The following S1PR2 variants were observed in gnomAD, a reference collection of about 807,000 sequenced individuals.
S1PR2 encodes sphingosine-1-phosphate receptor 2.
S1PR2 carries 9 observed loss-of-function variants against 16.1 expected under a neutral mutation model. The observed-to-expected ratio is 0.56, with a 90% CI of 0.34 to 0.98. The LOEUF is 0.98. Ranked by LOEUF, S1PR2 falls within the 50% of genes least tolerant of loss-of-function variation. S1PR2 has a pLI of 0.02. For missense variants in S1PR2, 361 were observed against 488.4 expected (o/e 0.74, Z 2.46); for synonymous variants, 224 against 233.9 (o/e 0.96, Z 0.38).
rs2039609972 is a variant in S1PR2, at chr19:10,223,855, T to G, written c.1051A>C (p.Thr351Pro). 4 of 1,540,056 alleles carry G rather than the reference T, an allele frequency of 2.6e-6. No individual in the cohort carries two copies. The highest frequency in any genetic ancestry group is 3.5e-6 in the Non-Finnish European group (4 of 1,144,328). Residue 351 changes from threonine (T) to proline (P), a missense_variant, in exon 2 of 2, where the codon ACG becomes CCG. By Grantham distance (38) the Thr-to-Pro change is conservative (BLOSUM62 -1). Transcript: ENST00000646641. Reference sequence around the variant, plus strand: ...GTCCACCCCCACCCTCAGACCACCGTGTTGCCCTCCAGAAACGTGGGTGAC... The same window carrying G: ...GTCCACCCCCACCCTCAGACCACCGGGTTGCCCTCCAGAAACGTGGGTGAC... ...PTSPTFLEGNTVV is the reference protein window; with the variant it reads ...PTSPTFLEGNPVV
Position 10,224,334 on chromosome 19 carries a change from A to C in S1PR2, c.572T>G (p.Val191Gly). 6.2e-7 allele frequency: 1 copy of C among 1,614,156 alleles called. No homozygotes were observed. Among genetic ancestry groups the C allele is most frequent in the Non-Finnish European group, 8.5e-7 (1 of 1,180,040 alleles). ...GGAGAAGATGGTCACCACGCACAGC[A>C]CATAATGCTTGGCGTAGAGAGGCAG... The part of the protein sequence containing the change: ...TVLPLYAKHY[V>G]LCVVTIFSII... The change falls in exon 2 of 2, where the codon GTG (valine) becomes GGG (glycine). Residue 191 changes from valine (V) to glycine (G), a missense_variant. Physicochemically the swap from Val to Gly is moderately radical, Grantham distance 109 (BLOSUM62 -3). Coordinates refer to ENST00000646641, the MANE Select transcript of S1PR2 (RefSeq NM_004230.4).
intron 1 of S1PR2, among the ~76,000 whole-genome samples, chr19:10,230,715 GA>G (rs1860124669): frequency 6.6e-6 from 1 of 152,228 alleles, no homozygotes; most frequent in African/African-American, 2.4e-5. Flanking sequence ...CCCGCCGGGG[GA>G]CCGGAGGAGG....
At chr19:10,227,676 C>A (rs944385475) in intron 1 of S1PR2, among the ~76,000 whole-genome samples, 1 of 152,244 alleles carries the variant, frequency 6.6e-6, no homozygotes, top group African/African-American at 2.4e-5. Context: ...CCTATTGGCC[C>A]GGGCTTTCCA....
rs1324274207 is a variant in S1PR2 at position 10,224,272 on chromosome 19, T to C, written c.634A>G (p.Ile212Val). 3 of 1,613,970 alleles carry C rather than the reference T, an allele frequency of 1.9e-6. No homozygotes were observed. Among genetic ancestry groups the C allele is most frequent in the African/African-American group, 1.3e-5 (1 of 75,058 alleles). Residue 212 changes from isoleucine to valine, a missense_variant, in exon 2 of 2, where the codon ATC (isoleucine) becomes GTC (valine). By Grantham distance (29) the Ile-to-Val change is conservative. Transcript: ENST00000646641. The part of the protein sequence containing the change: ...LLAIVALYVR[I>V]YCVVRSSHAD... ...TGGCTTGAGCGGACCACGCAGTAGATGCGCACGTACAGGGCCACGATGGCC... is the reference window on the plus strand; with the variant it reads ...TGGCTTGAGCGGACCACGCAGTAGACGCGCACGTACAGGGCCACGATGGCC...
chr19:10,226,770 G>A (rs2039637619), intron 1 of S1PR2, among the ~76,000 whole-genome samples: 2 of 152,194 alleles, frequency 1.3e-5, no homozygotes, highest in South Asian at 2.1e-4. Flanking sequence ...TGAGGAAGGC[G>A]GGATGTAGGG....
In S1PR2 at chr19:10,224,709, G is replaced by A. The variant is rs369436343; in HGVS notation, c.197C>T (p.Ser66Leu). ...IAVARNSKFH[S>L]AMYLFLGNLA... ...GTTGCCCAGAAACAGGTACATTGCC[G>A]AGTGGAACTTGCTGTTTCGGGCCAC... is the stretch of plus-strand genomic sequence containing the variant. The change falls in exon 2 of 2, where the codon TCG becomes TTG. Residue 66 changes from serine to leucine, a missense_variant. Coordinates refer to ENST00000646641, the MANE Select transcript of S1PR2 (RefSeq NM_004230.4). The A allele has an allele frequency of 2.5e-5, 40 of 1,614,104 alleles. No individual in the cohort carries two copies. The highest frequency in any genetic ancestry group is 2.1e-4 in the African/African-American group (16 of 74,956).
Position 10,224,162 on chromosome 19 carries a change from G to A in S1PR2, c.744C>T (p.Pro248=), listed in dbSNP as rs141379245. ...AGTCCAGAAGGAGGATGCTGAAGGC[G>A]GGCAGCCAGCAGACGATAAAGACGC... ...VLGVFIVCWL[P]AFSILLLDYA... Residue 248 remains proline, a synonymous_variant, in exon 2 of 2, where the codon CCC becomes CCT. Transcript: ENST00000646641. 7 of 1,607,372 alleles carry A rather than the reference G, an allele frequency of 4.4e-6. No homozygotes were observed. Among genetic ancestry groups the A allele is most frequent in the African/African-American group, 2.7e-5 (2 of 74,946 alleles).
chr19:10,225,844 T>C (rs1227892977), intron 1 of S1PR2, among the ~76,000 whole-genome samples: 1 of 151,782 alleles, frequency 6.6e-6, no homozygotes, highest in East Asian at 1.9e-4. Context: ...CTCTTTTAAT[T>C]TTCATTATTA....
intron 1 of S1PR2, among the ~76,000 whole-genome samples, chr19:10,230,943 G>A (rs1260503977): frequency 4.6e-5 from 7 of 152,130 alleles, no homozygotes; most frequent in African/African-American, 1.7e-4. Flanking sequence ...AGTCGAAAGC[G>A]CTCGGATTCA....
intron 1 of S1PR2, among the ~76,000 whole-genome samples, chr19:10,229,743 TCCCCTGAC>T (rs1230800499): frequency 8.5e-5 from 13 of 152,056 alleles, no homozygotes; most frequent in Non-Finnish European, 4.4e-5. Context: ...CAGAGGGGAC[TCCCCTGAC>T]CCCCAGTCTA....
chr19:10,229,941 C>T (rs2039659608), intron 1 of S1PR2, among the ~76,000 whole-genome samples: 1 of 151,916 alleles, frequency 6.6e-6, no homozygotes, highest in South Asian at 2.1e-4. Flanking sequence ...GGATGCCTGG[C>T]ACAAATAAAA....
rs1290506714 is a variant in S1PR2 at position 10,221,663 on chromosome 19, G to C, written c.*2181C>G. On this transcript the variant is annotated 3_prime_UTR_variant, in exon 2 of 2. Coordinates refer to ENST00000646641, the MANE Select transcript of S1PR2 (RefSeq NM_004230.4). ...GGAGGATGGGCCAGCAATTCCAAAG[G>C]GGTCTGGGCAGGACCAGAGCTCCCC... 1 of 152,306 alleles carries C rather than the reference G, an allele frequency of 6.6e-6. No individual in the cohort carries two copies. The highest frequency in any genetic ancestry group is 1.5e-5 in the Non-Finnish European group (1 of 68,060). 9.4% of individuals were successfully genotyped at this position (152,306 alleles called of 1,614,324 possible). A position where few individuals can be genotyped will look rare whatever the true frequency, so the allele number is the denominator to read the frequency against.
rs910995831 is a variant in S1PR2 at position 10,227,940 on chromosome 19, G to A, written c.-42-2993C>T. ...GTCCCTTTCCAGGCCTGGGGAGCAC[G>A]CTGTGCAGTGCAGCCGCCCCCTCTG... On this transcript the variant is annotated intron_variant, in intron 1 of 1. Transcript: ENST00000646641. 3.3e-5 allele frequency among the ~76,000 whole-genome samples: 5 copies of A among 152,146 alleles called. No homozygotes were observed. The East Asian group carries it at 5.8e-4, about 18-fold the overall frequency.
rs764211203 is a variant in S1PR2, at chr19:10,223,821, T to C, written c.*23A>G. ...CTCCATGAACCCCTCTGCCCTGGCCTGGTTGTTGGTCCACCCCCACCCTCA... is the reference window on the plus strand; with the variant it reads ...CTCCATGAACCCCTCTGCCCTGGCCCGGTTGTTGGTCCACCCCCACCCTCA... On this transcript the variant is annotated 3_prime_UTR_variant, in exon 2 of 2. Transcript: ENST00000646641. 1 of 1,519,116 alleles carries C rather than the reference T, an allele frequency of 6.6e-7. No homozygotes were observed. Among genetic ancestry groups the C allele is most frequent in the East Asian group, 2.3e-5 (1 of 44,132 alleles). The allele number at this position is 1,519,116 out of a possible 1,614,324, so 94.1% of individuals were successfully genotyped here. A position where few individuals can be genotyped will look rare whatever the true frequency, so the allele number is the denominator to read the frequency against.
chr19:10,230,626 T>C (rs2039668393), intron 1 of S1PR2: 1 of 152,848 alleles, frequency 6.5e-6, no homozygotes, highest in African/African-American at 2.4e-5. Flanking sequence ...CCACGACCCA[T>C]CCCTGAGCCG....
In S1PR2 at chr19:10,222,276, G is replaced by A. The variant is rs2039597913; in HGVS notation, c.*1568C>T. 1 of 151,866 alleles carries A rather than the reference G, an allele frequency of 6.6e-6. No individual in the cohort carries two copies. The highest frequency in any genetic ancestry group is 1.5e-5 in the Non-Finnish European group (1 of 67,976). 9.4% of individuals were successfully genotyped at this position (151,866 alleles called of 1,614,324 possible). The stretch of plus-strand genomic sequence containing the variant: ...ATCTCAAAAACAAAACAAAAATCTT[G>A]AAACTGTCTCAAAAAAAAAATCTTG... On this transcript the variant is annotated 3_prime_UTR_variant, in exon 2 of 2. Coordinates refer to ENST00000646641, the MANE Select transcript of S1PR2 (RefSeq NM_004230.4).
chr19:10,224,680 C>A lies in S1PR2; in HGVS notation c.226G>T (p.Ala76Ser). 1 of 1,614,156 alleles carries A rather than the reference C, an allele frequency of 6.2e-7. No homozygotes were observed. Among genetic ancestry groups the A allele is most frequent in the Non-Finnish European group, 8.5e-7 (1 of 1,180,042 alleles). Reference protein sequence around the residue: ...SAMYLFLGNLAASDLLAGVAF... With the variant: ...SAMYLFLGNLSASDLLAGVAF... ...ACGCCTGCCAGTAGATCGGAGGCGGCCAGGTTGCCCAGAAACAGGTACATT... is the reference window on the plus strand; with the variant it reads ...ACGCCTGCCAGTAGATCGGAGGCGGACAGGTTGCCCAGAAACAGGTACATT... Residue 76 changes from alanine to serine, a missense_variant, in exon 2 of 2, where the codon GCC becomes TCC. By Grantham distance (99) the Ala-to-Ser change is moderately conservative. Coordinates refer to ENST00000646641, the MANE Select transcript of S1PR2 (RefSeq NM_004230.4).
At chr19:10,230,762 C>T (rs549247073) in intron 1 of S1PR2, among the ~76,000 whole-genome samples, 8 of 152,366 alleles carry the variant, frequency 5.3e-5, no homozygotes, top group Admixed American at 2.6e-4. Context: ...GAAAGCCCGA[C>T]GTCCGACCGC....
At chr19:10,230,406 C>G (rs527740564) in intron 1 of S1PR2, 1 of 154,906 alleles carries the variant, frequency 6.5e-6, no homozygotes. Flanking sequence ...ATCGCAGCAG[C>G]AGCTGCACCG....
Sources: allele counts gnomAD v4.1 joint callset (sites outside exome capture counted in the v4.1 genomes callset), GRCh38; gene constraint gnomAD v4.1.1; transcripts MANE v1.5; gene names NCBI Gene and HGNC (gene_info 2026-07-23, HGNC 2026-07-21).